Variants in TTK observed in about 807,000 individuals in gnomAD.
The protein encoded by TTK is TTK protein kinase, also known as dual specificity protein kinase TTK.
A neutral mutation model predicts 117.3 loss-of-function variants in TTK; 59 were observed. The ratio of observed to expected loss-of-function variants is 0.50; its 90% CI spans 0.41 to 0.62. The LOEUF is 0.62. Among genes scored for constraint, TTK ranks in the 20% least tolerant of loss-of-function variants. TTK has a pLI of 0.00. For synonymous variants in TTK, 302 were observed against 325.0 expected (o/e 0.93, Z 0.76); for missense variants, 921 against 989.4 (o/e 0.93, Z 0.93).
At chr6:80,033,896 A>C (rs566461211) in intron 14 of TTK, among the ~76,000 whole-genome samples, 1 of 152,090 alleles carries the variant, frequency 6.6e-6, no homozygotes, top group East Asian at 1.9e-4. Context: ...TTTTTTGGCT[A>C]TATTTTAGTA....
intron 13 of TTK, 149 bp from the exon 14 acceptor site, chr6:80,031,316 ATT>A: frequency 5.0e-6 from 2 of 401,034 alleles, no homozygotes; most frequent in Non-Finnish European, 8.6e-6. Context: ...TTTTTCTTTG[ATT>A]AAGTAGAGCA....
At chr6:80,021,315 C>T (rs765765852) in intron 10 of TTK, among the ~76,000 whole-genome samples, 3 of 152,200 alleles carry the variant, frequency 2.0e-5, no homozygotes, top group Admixed American at 1.3e-4. Flanking sequence ...GTGGCTCCTG[C>T]GTTGGCCTGG....
At chr6:80,011,399 T>G in intron 5 of TTK, 35 bp from the exon 6 acceptor site, 1 of 1,408,078 alleles carries the variant, frequency 7.1e-7, no homozygotes, top group South Asian at 1.3e-5. Context: ...GTCTTATTTC[T>G]TATAAATTTA....
At chr6:80,035,218 A>G (rs1251409507) in intron 15 of TTK, 48 bp from the exon 16 acceptor site, 7 of 1,545,070 alleles carry the variant, frequency 4.5e-6, no homozygotes, top group Non-Finnish European at 4.3e-6. Context: ...AAACTTTAAT[A>G]TAACCTAGCC....
intron 13 of TTK, among the ~76,000 whole-genome samples, chr6:80,029,389 C>G (rs929505501): frequency 6.6e-6 from 1 of 152,114 alleles, no homozygotes; most frequent in South Asian, 2.1e-4. Context: ...TAGATACTAA[C>G]TGGAAAGAGG....
chr6:80,022,553 C>A (rs1767489611), intron 11 of TTK, 81 bp downstream of exon 11: 3 of 1,415,700 alleles, frequency 2.1e-6, no homozygotes, highest in African/African-American at 2.9e-5. Flanking sequence ...TAAATGTTTT[C>A]TTTTATTAAA....
intron 2 of TTK, among the ~76,000 whole-genome samples, chr6:80,006,413 T>C (rs1766995883): frequency 6.6e-6 from 1 of 152,178 alleles, no homozygotes; most frequent in Non-Finnish European, 1.5e-5. Flanking sequence ...GGTGGCTGAC[T>C]GTTCACTTTG....
At chr6:80,023,001 G>A (rs934129319) in intron 11 of TTK, among the ~76,000 whole-genome samples, 2 of 152,204 alleles carry the variant, frequency 1.3e-5, no homozygotes, top group Admixed American at 1.3e-4. Context: ...CAACGTACAT[G>A]AATTTGTAAC....
Position 80,011,902 on chromosome 6 carries a change from G to A in TTK, c.818G>A (p.Arg273Lys). 6.2e-7 allele frequency: 1 copy of A among 1,612,562 alleles called. No homozygotes were observed. Among genetic ancestry groups the A allele is most frequent in the South Asian group, 1.1e-5 (1 of 90,970 alleles). Residue 273 changes from arginine to lysine, a missense_variant, in exon 8 of 22, where the codon AGA (arginine) becomes AAA (lysine). Arg to Lys is a conservative substitution (Grantham distance 26, BLOSUM62 2). Coordinates refer to ENST00000369798, the MANE Select transcript of TTK (RefSeq NM_003318.5). ...TATTTTTAGTCATGCCCATTTGGAA[G>A]AGTCCCAGTTAACCTTCTAAATAGC... ...NKTKQSCPFG[R>K]VPVNLLNSPD...
chr6:80,030,398 A>G (rs897560138), intron 13 of TTK, among the ~76,000 whole-genome samples: 8 of 152,190 alleles, frequency 5.3e-5, no homozygotes, highest in African/African-American at 1.4e-4. Context: ...AAATTAAGTA[A>G]CTTGTTGAAC....
chr6:80,026,243 T>C (rs1767600459), intron 11 of TTK, 135 bp from the exon 12 acceptor site: 3 of 879,252 alleles, frequency 3.4e-6, no homozygotes, highest in African/African-American at 3.5e-5. Context: ...AATGTATATA[T>C]ATGCCTATCT....
At chr6:80,011,581 T>A in intron 6 of TTK, 33 bp downstream of exon 6, 1 of 1,575,072 alleles carries the variant, frequency 6.3e-7, no homozygotes, top group Non-Finnish European at 8.7e-7. Context: ...TAAATGTTCA[T>A]CTTCTATGTA....
In TTK at chr6:80,014,361, T is replaced by C. The variant is rs1310719261; in HGVS notation, c.985-102T>C. ...CATATAATTATAATAGAAAATTTTA[T>C]GAGCAATCCATGTATAGATAAGACT... On this transcript the variant is annotated intron_variant, in intron 9 of 21. Coordinates refer to ENST00000369798, the MANE Select transcript of TTK (RefSeq NM_003318.5). 6.8e-6 allele frequency: 7 copies of C among 1,031,240 alleles called. No individual in the cohort carries two copies. The East Asian group carries it at 2.1e-4, about 30-fold the overall frequency. 63.9% of individuals were successfully genotyped at this position (1,031,240 alleles called of 1,614,324 possible). A position where few individuals can be genotyped will look rare whatever the true frequency, so the allele number is the denominator to read the frequency against.
intron 14 of TTK, among the ~76,000 whole-genome samples, chr6:80,034,357 C>T (rs531830414): frequency 6.6e-6 from 1 of 152,124 alleles, no homozygotes; most frequent in Non-Finnish European, 1.5e-5. Flanking sequence ...AACCGGATTG[C>T]AAGAGTTTTG....
rs752641077 is a variant in TTK at position 80,042,246 on chromosome 6, TGGA to T, written c.*45_*47del. On this transcript the variant is annotated 3_prime_UTR_variant, in exon 22 of 22. Transcript: ENST00000369798. ...GTCAGATACCACCTATAAAATATAT[TGGA>T]CTGTTATACTCTTGAATCCCTGTGG... The T allele has an allele frequency of 6.3e-4, 922 of 1,452,532 alleles. 5 individuals are homozygous for T. The Middle Eastern group carries it at 0.011, about 18-fold the overall frequency. The allele number at this position is 1,452,532 out of a possible 1,614,324, so 90.0% of individuals were successfully genotyped here. A position where few individuals can be genotyped will look rare whatever the true frequency, so the allele number is the denominator to read the frequency against.
At chr6:80,039,466 A>G (rs148979154) in intron 18 of TTK, among the ~76,000 whole-genome samples, 4 of 151,880 alleles carry the variant, frequency 2.6e-5, no homozygotes, top group Non-Finnish European at 5.9e-5. Context: ...CTTAATTGCA[A>G]TATTTTAATT....
At chr6:80,012,411 C>G (rs239561) in intron 8 of TTK, among the ~76,000 whole-genome samples, 14 of 151,946 alleles carry the variant, frequency 9.2e-5, no homozygotes, top group African/African-American at 3.4e-4. Context: ...TTGCTTGAGT[C>G]TAGTGCTTCA....
At chr6:80,007,625 A>G (rs1410915719) in intron 2 of TTK, among the ~76,000 whole-genome samples, 184 bp from the exon 3 acceptor site, 2 of 152,136 alleles carry the variant, frequency 1.3e-5, no homozygotes, top group Non-Finnish European at 1.5e-5. Context: ...TTCATAAAAG[A>G]TAAATACACG....
chr6:80,034,130 A>G (rs888651811), intron 14 of TTK, among the ~76,000 whole-genome samples: 5 of 152,200 alleles, frequency 3.3e-5, no homozygotes, highest in African/African-American at 7.2e-5. Flanking sequence ...AAAAAAATCA[A>G]ATGCCTCAAA....
Sources: gnomAD v4.1 joint callset for allele counts (sites outside exome capture counted in the v4.1 genomes callset) on GRCh38, gnomAD v4.1.1 for gene constraint, MANE v1.5 for transcripts, NCBI Gene and HGNC (gene_info 2026-07-23, HGNC 2026-07-21) for gene names.